Variants in CNTNAP2 observed in about 807,000 individuals in gnomAD.
CNTNAP2 encodes the protein contactin-associated protein-like 2.
A neutral mutation model predicts 155.2 loss-of-function variants in CNTNAP2; 98 were observed. That is an observed-to-expected ratio of 0.63 (90% CI 0.54 to 0.75). CNTNAP2 has a LOEUF of 0.75. CNTNAP2 is among the 30% of genes least tolerant of loss of function. The probability of loss-of-function intolerance (pLI) is 0.00; values close to 1 mark genes in which losing one functional copy is unlikely to be tolerated. For synonymous variants in CNTNAP2, 651 were observed against 631.2 expected (o/e 1.03, Z -0.47); for missense variants, 1,727 against 1,688.1 (o/e 1.02, Z -0.40).
chr7:147,176,785 A>G (rs1434250348), intron 8 of CNTNAP2, among the ~76,000 whole-genome samples: 3 of 124,226 alleles, frequency 2.4e-5, no homozygotes, highest in African/African-American at 9.6e-5. Context: ...ATATATAATT[A>G]TAATTATATA....
chr7:146,176,923 A>G (rs1798479249), intron 1 of CNTNAP2, among the ~76,000 whole-genome samples: 1 of 152,164 alleles, frequency 6.6e-6, no homozygotes, highest in Non-Finnish European at 1.5e-5. Flanking sequence ...TCATGCCTTC[A>G]GAAGGGGTCA....
intron 2 of CNTNAP2, among the ~76,000 whole-genome samples, chr7:146,828,660 T>A (rs1585111042): frequency 1.3e-5 from 2 of 152,048 alleles, no homozygotes; most frequent in African/African-American, 4.8e-5. Flanking sequence ...AAAGGTGTAT[T>A]TTCTCTTGGC....
At chr7:148,130,745 A>C (rs1191734095) in intron 16 of CNTNAP2, among the ~76,000 whole-genome samples, 3 of 152,220 alleles carry the variant, frequency 2.0e-5, no homozygotes, top group African/African-American at 7.2e-5. Context: ...CCTAAGACTG[A>C]CTATGTGTCT....
chr7:147,251,771 T>C (rs1165786900), intron 8 of CNTNAP2, among the ~76,000 whole-genome samples: 1 of 152,190 alleles, frequency 6.6e-6, no homozygotes, highest in East Asian at 1.9e-4. Context: ...ATGAACCTAC[T>C]GTGAACAGAA....
chr7:146,848,068 T>A (rs927749912), intron 3 of CNTNAP2, among the ~76,000 whole-genome samples: 6 of 152,178 alleles, frequency 3.9e-5, no homozygotes, highest in African/African-American at 7.2e-5. Context: ...TTATGCTGGT[T>A]AGCCATGAAA....
intron 1 of CNTNAP2, among the ~76,000 whole-genome samples, chr7:146,371,143 C>G (rs541722120): frequency 2.0e-5 from 3 of 151,880 alleles, no homozygotes; most frequent in African/African-American, 7.2e-5. Context: ...TAATTCTGCT[C>G]CATCCATTTT....
intron 4 of CNTNAP2, among the ~76,000 whole-genome samples, chr7:147,073,968 C>T (rs1273820031): frequency 6.6e-6 from 1 of 152,082 alleles, no homozygotes; most frequent in African/African-American, 2.4e-5. Context: ...AAAGATGAGG[C>T]ATTTCATTTG....
chr7:146,149,100 C>T (rs1242399405), intron 1 of CNTNAP2, among the ~76,000 whole-genome samples: 1 of 151,858 alleles, frequency 6.6e-6, no homozygotes, highest in Non-Finnish European at 1.5e-5. Flanking sequence ...TTAATGGGTG[C>T]AGCACACCAA....
intron 1 of CNTNAP2, among the ~76,000 whole-genome samples, chr7:146,738,801 T>C (rs1296149956): frequency 6.6e-6 from 1 of 151,792 alleles, no homozygotes; most frequent in East Asian, 1.9e-4. Flanking sequence ...TTATTACTGA[T>C]TTAATCTCCT....
At chr7:146,827,869 G>A (rs991558983) in intron 2 of CNTNAP2, among the ~76,000 whole-genome samples, 1 of 152,028 alleles carries the variant, frequency 6.6e-6, no homozygotes, top group African/African-American at 2.4e-5. Flanking sequence ...CTACACAGCA[G>A]CTTCCAAATA....
intron 8 of CNTNAP2, among the ~76,000 whole-genome samples, chr7:147,289,716 AT>A (rs1305065532): frequency 7.9e-5 from 12 of 152,204 alleles, no homozygotes; most frequent in South Asian, 6.2e-4. Flanking sequence ...AGCTACCAAA[AT>A]TTTTTTCATG....
chr7:146,753,962 C>T (rs1278512072), intron 1 of CNTNAP2, among the ~76,000 whole-genome samples: 2 of 151,954 alleles, frequency 1.3e-5, no homozygotes, highest in Admixed American at 1.3e-4. Flanking sequence ...TTAGAAAAAT[C>T]CCAGCTATTT....
At chr7:147,413,173 G>A (rs771415247) in intron 10 of CNTNAP2, among the ~76,000 whole-genome samples, 1 of 152,200 alleles carries the variant, frequency 6.6e-6, no homozygotes. Context: ...GTCAAGGAAT[G>A]CTCTACACCC....
At chr7:146,651,885 A>G (rs557895803) in intron 1 of CNTNAP2, among the ~76,000 whole-genome samples, 99 of 152,174 alleles carry the variant, frequency 6.5e-4, no homozygotes, top group African/African-American at 2.3e-3. Context: ...CTAAGTAAAA[A>G]CCTTTTCAAG....
At chr7:147,735,540 A>T (rs1469686935) in intron 13 of CNTNAP2, among the ~76,000 whole-genome samples, 2 of 152,122 alleles carry the variant, frequency 1.3e-5, no homozygotes, top group Admixed American at 6.6e-5. Context: ...TATTAGGTCC[A>T]CTTGGTGCAG....
At chr7:147,815,013 G>C (rs1038074390) in intron 13 of CNTNAP2, among the ~76,000 whole-genome samples, 1 of 152,292 alleles carries the variant, frequency 6.6e-6, no homozygotes. Context: ...AGAAAGAAGA[G>C]AGCACCAGGG....
intron 13 of CNTNAP2, among the ~76,000 whole-genome samples, chr7:147,830,072 C>T (rs1359490543): frequency 1.3e-5 from 2 of 151,418 alleles, no homozygotes; most frequent in Admixed American, 6.6e-5. Flanking sequence ...CTATGATGGA[C>T]TTTGTTTCCA....
In CNTNAP2 at chr7:146,930,330, G is replaced by T. The variant is rs187043942; in HGVS notation, c.402+90426G>T. ...TTTTCAACCCAGAATTTCATATCCA[G>T]CCAAACTAAGATTCATAAGTGAAGG... On this transcript the variant is annotated intron_variant, in intron 3 of 23. Coordinates refer to ENST00000361727, the MANE Select transcript of CNTNAP2 (RefSeq NM_014141.6). Among the ~76,000 whole-genome samples the T allele has an allele frequency of 5.9e-5, 9 of 152,096 alleles. No homozygotes were observed. In the East Asian group the frequency reaches 1.7e-3, roughly 29 times the overall value.
intron 1 of CNTNAP2, among the ~76,000 whole-genome samples, chr7:146,617,602 A>G (rs1333186878): frequency 2.6e-5 from 4 of 152,218 alleles, no homozygotes; most frequent in African/African-American, 9.7e-5. Flanking sequence ...TTATCTAGCC[A>G]TGAAGTATTT....
Sources: allele counts gnomAD v4.1 joint callset (sites outside exome capture counted in the v4.1 genomes callset), GRCh38; gene constraint gnomAD v4.1.1; transcripts MANE v1.5; gene names NCBI Gene and HGNC (gene_info 2026-07-23, HGNC 2026-07-21).